CLIP1: variants seen among roughly 807,000 people sequenced by gnomAD.
CLIP1 encodes the protein CAP-Gly domain containing linker protein 1, also known as CAP-Gly domain-containing linker protein 1.
Under a neutral mutation model 161.6 loss-of-function variants are expected in CLIP1, and 66 were observed. That is an observed-to-expected ratio of 0.41 (90% CI 0.33 to 0.50). CLIP1 has a LOEUF of 0.50. CLIP1 is among the 20% of genes least tolerant of loss of function. The pLI, the probability that CLIP1 is intolerant of heterozygous loss-of-function variation, is 0.27. For synonymous variants in CLIP1, 598 were observed against 626.2 expected (o/e 0.96, Z 0.67); for missense variants, 1,376 against 1,702.0 (o/e 0.81, Z 3.37).
intron 21 of CLIP1, among the ~76,000 whole-genome samples, chr12:122,283,327 G>A (rs1955719663): frequency 6.6e-6 from 1 of 151,304 alleles, no homozygotes; most frequent in African/African-American, 2.4e-5. Context: ...TATGCTTGGG[G>A]AAAAATTTTT....
chr12:122,315,651 T>TC (rs60613470), intron 19 of CLIP1, among the ~76,000 whole-genome samples: 3 of 138,426 alleles, frequency 2.2e-5, no homozygotes, highest in South Asian at 2.3e-4. Flanking sequence ...TTTTCTTTTT[T>TC]TTTTTTTGAG....
intron 3 of CLIP1, among the ~76,000 whole-genome samples, chr12:122,368,711 G>C (rs561940594): frequency 6.6e-6 from 1 of 152,154 alleles, no homozygotes; most frequent in African/African-American, 2.4e-5. Flanking sequence ...GGGAGGCCGA[G>C]GCAGGCAGAT....
At chr12:122,317,431 C>T (rs536583458) in intron 18 of CLIP1, among the ~76,000 whole-genome samples, 6 of 152,268 alleles carry the variant, frequency 3.9e-5, no homozygotes, top group Non-Finnish European at 7.3e-5. Flanking sequence ...GACTGAAGGG[C>T]ACTTACACCC....
intron 20 of CLIP1, 28 bp downstream of exon 20, chr12:122,309,734 C>A: frequency 6.2e-7 from 1 of 1,611,280 alleles, no homozygotes; most frequent in Non-Finnish European, 8.5e-7. Flanking sequence ...CATGGCACAG[C>A]TGGAACCCCT....
intron 4 of CLIP1, among the ~76,000 whole-genome samples, chr12:122,362,555 C>T (rs929532650): frequency 7.6e-6 from 1 of 132,280 alleles, no homozygotes; most frequent in Admixed American, 9.2e-5. Context: ...GCAGGAGAAT[C>T]GCTTGAACCT....
chr12:122,293,165 C>A (rs532839993), intron 20 of CLIP1, among the ~76,000 whole-genome samples: 1 of 151,610 alleles, frequency 6.6e-6, no homozygotes, highest in South Asian at 2.1e-4. Flanking sequence ...GAAAAATGAC[C>A]GAAAGATGTG....
intron 3 of CLIP1, among the ~76,000 whole-genome samples, chr12:122,375,909 G>T (rs1954702849): frequency 2.0e-5 from 3 of 151,388 alleles, no homozygotes; most frequent in African/African-American, 4.9e-5. Context: ...CTGAGTAGCT[G>T]GGACTACAGG....
chr12:122,397,800 T>C (rs561732932), intron 1 of CLIP1, among the ~76,000 whole-genome samples: 76 of 147,700 alleles, frequency 5.1e-4, no homozygotes, highest in African/African-American at 1.8e-3. Context: ...AAAAAAAATA[T>C]AAAAATTAGT....
At chr12:122,338,768 AC>A (rs1225606233) in intron 11 of CLIP1, among the ~76,000 whole-genome samples, 1 of 152,214 alleles carries the variant, frequency 6.6e-6, no homozygotes, top group Non-Finnish European at 1.5e-5. Context: ...AGTCATTAGA[AC>A]TTGGCTTTCA....
chr12:122,313,740 A>C (rs892992062), intron 19 of CLIP1, among the ~76,000 whole-genome samples: 1 of 152,124 alleles, frequency 6.6e-6, no homozygotes, highest in Non-Finnish European at 1.5e-5. Context: ...ACAACAAAAA[A>C]AAACTATGTC....
chr12:122,313,083 T>C lies in CLIP1; in HGVS notation c.3474-3201A>G, dbSNP rs994950170. Among the ~76,000 whole-genome samples the C allele has an allele frequency of 2.6e-5, 4 of 152,178 alleles. No individual in the cohort carries two copies. In the East Asian group the frequency reaches 5.8e-4, roughly 22 times the overall value. On this transcript the variant is annotated intron_variant, in intron 19 of 25. Transcript: ENST00000620786. ...AGGGGCTTTTTCAACCTACTCCCCA[T>C]ACCTCCTGTGCCAGCTTCCATGGAA...
At chr12:122,316,883 T>C in intron 18 of CLIP1, 28 bp from the exon 19 acceptor site, 8 of 1,293,534 alleles carry the variant, frequency 6.2e-6, no homozygotes, top group Non-Finnish European at 8.6e-6. Context: ...AAAAACTTGA[T>C]GAAATTATTT....
At chr12:122,327,806 C>T in intron 17 of CLIP1, 141 bp downstream of exon 17, 4 of 668,926 alleles carry the variant, frequency 6.0e-6, no homozygotes, top group Non-Finnish European at 1.0e-5. Context: ...AATGTACCAC[C>T]CTGCCACGCA....
chr12:122,278,219 A>G lies in CLIP1; in HGVS notation c.3917-16T>C. 2.6e-6 allele frequency: 4 copies of G among 1,548,012 alleles called. No individual in the cohort carries two copies. Among genetic ancestry groups the G allele is most frequent in the Non-Finnish European group, 3.5e-6 (4 of 1,146,884 alleles). ...TCTGTATTACCTTATATTTGAGGAA[A>G]AAAAAAAAAAAACAAGTGGAGGGAG... On this transcript the variant is annotated splice_polypyrimidine_tract_variant and intron_variant, in intron 23 of 25. Coordinates refer to ENST00000620786, the MANE Select transcript of CLIP1 (RefSeq NM_001247997.2).
At chr12:122,362,501 C>T (rs983294579) in intron 4 of CLIP1, among the ~76,000 whole-genome samples, 6 of 150,524 alleles carry the variant, frequency 4.0e-5, no homozygotes, top group African/African-American at 4.9e-5. Flanking sequence ...ATTATCTGGG[C>T]GTGGTGGTGT....
chr12:122,330,624 G>A lies in CLIP1; in HGVS notation c.2868-2198C>T, dbSNP rs556749079. Among the ~76,000 whole-genome samples, 148 of 100,450 alleles carry A rather than the reference G, an allele frequency of 1.5e-3. 1 individual carries two copies. In the Middle Eastern group the frequency reaches 0.022, roughly 15 times the overall value. The allele number at this position is 100,450 out of a possible 152,430, so 65.9% of individuals were successfully genotyped here. On this transcript the variant is annotated intron_variant, in intron 15 of 25. Coordinates refer to ENST00000620786, the MANE Select transcript of CLIP1 (RefSeq NM_001247997.2). ...TTTTTTTTTTTTTTTTTTTGAGATG[G>A]AGTCTCGCACTGTTGCCTGGGCTGG... is the stretch of plus-strand genomic sequence containing the variant.
intron 18 of CLIP1, among the ~76,000 whole-genome samples, chr12:122,318,354 A>T (rs1951349668): frequency 6.6e-6 from 1 of 152,190 alleles, no homozygotes; most frequent in South Asian, 2.1e-4. Context: ...CCAACATGGC[A>T]AAACTCCGTC....
chr12:122,318,697 C>A (rs920002665), intron 18 of CLIP1, among the ~76,000 whole-genome samples: 2 of 152,038 alleles, frequency 1.3e-5, no homozygotes, highest in African/African-American at 4.8e-5. Context: ...AGGGTGGGAG[C>A]AGGGAAATCC....
At chr12:122,381,796 C>A (rs1488216167) in intron 1 of CLIP1, among the ~76,000 whole-genome samples, 1 of 152,204 alleles carries the variant, frequency 6.6e-6, no homozygotes, top group Non-Finnish European at 1.5e-5. Context: ...TGCCCTCCCC[C>A]AAAGACATGT....
Sources: allele counts gnomAD v4.1 joint callset (sites outside exome capture counted in the v4.1 genomes callset), GRCh38; gene constraint gnomAD v4.1.1; transcripts MANE v1.5; gene names NCBI Gene and HGNC (gene_info 2026-07-23, HGNC 2026-07-21).